Variants in ROCK2 observed in about 807,000 individuals in gnomAD.
The protein encoded by ROCK2 is Rho associated coiled-coil containing protein kinase 2.
ROCK2 carries 61 observed loss-of-function variants against 195.1 expected under a neutral mutation model. The ratio of observed to expected loss-of-function variants is 0.31; its 90% CI spans 0.25 to 0.39. The LOEUF (loss-of-function observed/expected upper bound fraction) is 0.39, where lower values mean the gene tolerates loss of function less well. ROCK2 is among the 10% of genes least tolerant of loss of function. ROCK2 has a pLI of 1.00. For synonymous variants in ROCK2, 504 were observed against 545.5 expected (o/e 0.92, Z 1.06); for missense variants, 1,109 against 1,637.4 (o/e 0.68, Z 5.57).
At chr2:11,343,786 G>C (rs549841536) in intron 1 of ROCK2, among the ~76,000 whole-genome samples, 64 of 152,300 alleles carry the variant, frequency 4.2e-4, no homozygotes, top group Admixed American at 9.8e-4. Context: ...ACTGGCTCCA[G>C]CAGGAGGTAG....
Position 11,197,397 on chromosome 2 carries a change from A to C in ROCK2, c.3280-49T>G. On this transcript the variant is annotated intron_variant, in intron 26 of 32. Coordinates refer to ENST00000315872, the MANE Select transcript of ROCK2 (RefSeq NM_004850.5). The surrounding 1 kb of genome is among the most constrained non-coding windows in gnomAD (Gnocchi z 4.9). ...AGTTAATTGGATGCAACATAACTCA[A>C]CATTTTGCTTCTTGGTTCAATAATA... 1 of 1,566,132 alleles carries C rather than the reference A, an allele frequency of 6.4e-7. No homozygotes were observed. Among genetic ancestry groups the C allele is most frequent in the Non-Finnish European group, 8.7e-7 (1 of 1,145,748 alleles).
At chr2:11,219,519 C>T (rs1664554628) in intron 9 of ROCK2, among the ~76,000 whole-genome samples, 1 of 151,870 alleles carries the variant, frequency 6.6e-6, no homozygotes, top group Admixed American at 6.6e-5. Context: ...TCAATCCATC[C>T]ATCAATCAAT....
chr2:11,234,186 A>G (rs906409062), intron 5 of ROCK2: 1 of 152,184 alleles, frequency 6.6e-6, no homozygotes, highest in Non-Finnish European at 1.5e-5. Context: ...TAAAGAGACA[A>G]TTTAAGTATT....
chr2:11,252,773 G>C (rs922930668), intron 3 of ROCK2, among the ~76,000 whole-genome samples: 5 of 152,058 alleles, frequency 3.3e-5, no homozygotes, highest in African/African-American at 1.2e-4. Flanking sequence ...GACACAGGGA[G>C]TGGAACATCA....
intron 32 of ROCK2, among the ~76,000 whole-genome samples, chr2:11,190,996 G>A (rs1663401921): frequency 6.6e-6 from 1 of 152,006 alleles, no homozygotes. Context: ...CACCAATTCT[G>A]CCTTTGTCAT....
At chr2:11,342,215 G>A (rs1006308789) in intron 1 of ROCK2, among the ~76,000 whole-genome samples, 2 of 152,110 alleles carry the variant, frequency 1.3e-5, no homozygotes, top group Non-Finnish European at 2.9e-5. Context: ...AGCAATAACA[G>A]AGTCTGTCAA....
chr2:11,338,378 A>G (rs1027193509), intron 1 of ROCK2, among the ~76,000 whole-genome samples: 4 of 152,160 alleles, frequency 2.6e-5, no homozygotes, highest in Admixed American at 2.6e-4. Flanking sequence ...CAAAATATAT[A>G]ATACACTCAG....
At chr2:11,291,557 A>AG (rs1667364414) in intron 1 of ROCK2, among the ~76,000 whole-genome samples, 1 of 152,022 alleles carries the variant, frequency 6.6e-6, no homozygotes, top group African/African-American at 2.4e-5. Context: ...TCTTAAAAAA[A>AG]AAACTAATTG....
intron 1 of ROCK2, among the ~76,000 whole-genome samples, chr2:11,343,641 T>G (rs139182606): frequency 6.3e-4 from 96 of 152,262 alleles, no homozygotes; most frequent in African/African-American, 1.7e-3. Context: ...CCACGTAGCA[T>G]GACACTTTCA....
intron 1 of ROCK2, among the ~76,000 whole-genome samples, chr2:11,312,947 T>A (rs920832801): frequency 6.6e-5 from 10 of 152,034 alleles, no homozygotes; most frequent in Admixed American, 2.6e-4. Flanking sequence ...AAAAGCTCAG[T>A]GGTTGGAGGC....
At chr2:11,186,215 T>A (rs184721137) in intron 32 of ROCK2, among the ~76,000 whole-genome samples, 137 of 152,254 alleles carry the variant, frequency 9.0e-4, no homozygotes, top group African/African-American at 2.3e-3. Flanking sequence ...TGGCACACAC[T>A]CACTTCTCTA....
intron 17 of ROCK2, among the ~76,000 whole-genome samples, chr2:11,212,341 ACAC>A (rs1287857497): frequency 1.3e-5 from 2 of 152,116 alleles, no homozygotes; most frequent in African/African-American, 2.4e-5. Context: ...CCAACAGTCT[ACAC>A]CACCACTCTG....
At chr2:11,185,123 G>A (rs1479540577) in intron 32 of ROCK2, among the ~76,000 whole-genome samples, 1 of 152,182 alleles carries the variant, frequency 6.6e-6, no homozygotes, top group Non-Finnish European at 1.5e-5. Context: ...ATTTGTCAAT[G>A]TTCCCCTTCA....
chr2:11,220,287 G>A (rs941617895), intron 9 of ROCK2, among the ~76,000 whole-genome samples: 20 of 152,034 alleles, frequency 1.3e-4, no homozygotes, highest in South Asian at 2.1e-4. Context: ...AAAGTGCTGG[G>A]ATTACAGGCA....
chr2:11,274,961 G>T (rs965115892), intron 3 of ROCK2, among the ~76,000 whole-genome samples: 10 of 151,830 alleles, frequency 6.6e-5, no homozygotes, highest in African/African-American at 1.9e-4. Context: ...TAAAAATTAA[G>T]AATAATAAGA....
chr2:11,229,436 G>C (rs1664923091), intron 5 of ROCK2, among the ~76,000 whole-genome samples: 2 of 151,908 alleles, frequency 1.3e-5, no homozygotes, highest in Non-Finnish European at 2.9e-5. Context: ...ACAGTGGGTG[G>C]GTGGGCAAAG....
intron 1 of ROCK2, among the ~76,000 whole-genome samples, chr2:11,334,771 A>G (rs1668873594): frequency 6.6e-6 from 1 of 150,688 alleles, no homozygotes; most frequent in South Asian, 2.1e-4. Context: ...CACTTCGCTA[A>G]TTCATTTCCA....
chr2:11,287,185 G>A (rs1486210382), intron 2 of ROCK2, among the ~76,000 whole-genome samples: 3 of 151,994 alleles, frequency 2.0e-5, no homozygotes, highest in African/African-American at 7.3e-5. Context: ...TCTTATTCTT[G>A]GAATTCAATT....
chr2:11,245,563 G>A (rs2148121020), intron 4 of ROCK2, among the ~76,000 whole-genome samples: 1 of 152,246 alleles, frequency 6.6e-6, no homozygotes, highest in South Asian at 2.1e-4. Flanking sequence ...CATACCATCT[G>A]ACCTAGCAAT....
Sources: allele counts gnomAD v4.1 joint callset (sites outside exome capture counted in the v4.1 genomes callset), GRCh38; gene constraint gnomAD v4.1.1; non-coding constraint Gnocchi (gnomAD v3.1); transcripts MANE v1.5; gene names NCBI Gene and HGNC (gene_info 2026-07-23, HGNC 2026-07-21).